ROBO1: variants seen among roughly 807,000 people sequenced by gnomAD.
ROBO1 encodes roundabout homolog 1.
In ROBO1, 149 loss-of-function variants were observed where a neutral mutation model predicts 195.9. The observed-to-expected ratio is 0.76, with a 90% CI of 0.67 to 0.87. The LOEUF is 0.87. Among genes scored for constraint, ROBO1 ranks in the 40% least tolerant of loss-of-function variants. ROBO1 has a pLI of 0.00. For synonymous variants in ROBO1, 816 were observed against 733.2 expected, an observed-to-expected ratio of 1.11 and a Z score of -1.82; for missense variants, 1,933 against 2,068.3, an observed-to-expected ratio of 0.93 and a Z score of 1.27.
chr3:78,609,286 C>T (rs1703647266), intron 28 of ROBO1, among the ~76,000 whole-genome samples: 1 of 152,110 alleles, frequency 6.6e-6, no homozygotes, highest in Non-Finnish European at 1.5e-5. Flanking sequence ...TTTCAAATCC[C>T]TAGTATTGAC....
chr3:79,121,979 A>C (rs2080125178), intron 3 of ROBO1, among the ~76,000 whole-genome samples: 1 of 152,042 alleles, frequency 6.6e-6, no homozygotes, highest in Non-Finnish European at 1.5e-5. Context: ...ATCTATACAT[A>C]AATTATACGT....
chr3:78,864,688 G>GCATGTATGTATATATACATATATACA (rs2035057007), intron 4 of ROBO1, among the ~76,000 whole-genome samples: 5 of 151,354 alleles, frequency 3.3e-5, no homozygotes, highest in Admixed American at 1.3e-4. Flanking sequence ...TAACTGTAAT[G>GCATGTATGTATATATACATATATACA]CATGTATGTA....
intron 4 of ROBO1, among the ~76,000 whole-genome samples, chr3:78,845,692 A>C (rs980119352): frequency 6.6e-6 from 1 of 151,788 alleles, no homozygotes; most frequent in Non-Finnish European, 1.5e-5. Flanking sequence ...CTAGAAGCTA[A>C]GCCTAATGCC....
At chr3:79,026,518 T>A (rs2108290481) in intron 3 of ROBO1, among the ~76,000 whole-genome samples, 1 of 152,230 alleles carries the variant, frequency 6.6e-6, no homozygotes, top group African/African-American at 2.4e-5. Context: ...CAAAGCTTTT[T>A]TATTTTATGT....
chr3:78,905,474 C>G (rs545844525), intron 4 of ROBO1, among the ~76,000 whole-genome samples: 3 of 151,974 alleles, frequency 2.0e-5, no homozygotes, highest in Non-Finnish European at 4.4e-5. Context: ...CCTAAATTAG[C>G]CAGACGTGGT....
chr3:78,818,464 C>T (rs1348894206), intron 4 of ROBO1, among the ~76,000 whole-genome samples: 1 of 152,268 alleles, frequency 6.6e-6, no homozygotes, highest in South Asian at 2.1e-4. Context: ...TTGTGGAAGC[C>T]GGGGTCCTGC....
At chr3:78,639,700 C>T (rs1234412299) in intron 22 of ROBO1, 44 bp downstream of exon 22, 1 of 1,539,870 alleles carries the variant, frequency 6.5e-7, no homozygotes. Flanking sequence ...CTGGCTAGTT[C>T]CTTAAAAAGC....
At chr3:79,079,763 G>GA (rs1324724676) in intron 3 of ROBO1, among the ~76,000 whole-genome samples, 2 of 150,920 alleles carry the variant, frequency 1.3e-5, no homozygotes, top group Non-Finnish European at 3.0e-5. Flanking sequence ...GACAGGGTGA[G>GA]AAAAAAAATA....
intron 3 of ROBO1, among the ~76,000 whole-genome samples, chr3:78,975,481 A>T (rs1431096166): frequency 1.3e-5 from 2 of 152,132 alleles, no homozygotes; most frequent in African/African-American, 4.8e-5. Flanking sequence ...GTTCTTGGAG[A>T]GACTCTCAAT....
chr3:79,442,991 T>C (rs1174499024), intron 2 of ROBO1, among the ~76,000 whole-genome samples: 1 of 152,240 alleles, frequency 6.6e-6, no homozygotes, highest in African/African-American at 2.4e-5. Context: ...ACAAACATTC[T>C]ATTAAGTTCA....
At chr3:79,677,852 T>C (rs1946832039) in intron 1 of ROBO1, among the ~76,000 whole-genome samples, 1 of 152,116 alleles carries the variant, frequency 6.6e-6, no homozygotes, top group Admixed American at 6.6e-5. Flanking sequence ...CAATACCTTG[T>C]TTGCTTCCTG....
chr3:79,739,809 T>C (rs1703547076), intron 1 of ROBO1, among the ~76,000 whole-genome samples: 1 of 152,112 alleles, frequency 6.6e-6, no homozygotes, highest in Non-Finnish European at 1.5e-5. Context: ...CATAAATAAT[T>C]TTCCTAGGAT....
At chr3:78,847,388 G>A (rs1177365615) in intron 4 of ROBO1, among the ~76,000 whole-genome samples, 1 of 152,058 alleles carries the variant, frequency 6.6e-6, no homozygotes, top group African/African-American at 2.4e-5. Context: ...ACTGCAGAAC[G>A]CATGTGCAAA....
chr3:78,987,819 C>T (rs902937390), intron 3 of ROBO1, among the ~76,000 whole-genome samples: 3 of 151,976 alleles, frequency 2.0e-5, no homozygotes, highest in Admixed American at 6.6e-5. Flanking sequence ...CCCCCATTTA[C>T]CCTGATGCGA....
At chr3:78,891,870 G>A (rs2036918206) in intron 4 of ROBO1, among the ~76,000 whole-genome samples, 1 of 152,152 alleles carries the variant, frequency 6.6e-6, no homozygotes, top group Admixed American at 6.5e-5. Flanking sequence ...TTCATATGAA[G>A]CTAAAGAAAA....
intron 3 of ROBO1, among the ~76,000 whole-genome samples, chr3:79,048,912 A>G (rs2078645518): frequency 6.6e-6 from 1 of 152,162 alleles, no homozygotes. Context: ...ATCAAAGACC[A>G]AAGGTAGATA....
At chr3:78,750,397 G>C (rs758419232) in intron 4 of ROBO1, among the ~76,000 whole-genome samples, 1 of 150,934 alleles carries the variant, frequency 6.6e-6, no homozygotes, top group Non-Finnish European at 1.5e-5. Context: ...AGCTTGCAGT[G>C]AGCCAAGATC....
intron 3 of ROBO1, 86 bp downstream of exon 3, chr3:79,125,370 C>G: frequency 1.9e-6 from 2 of 1,066,310 alleles, no homozygotes; most frequent in South Asian, 2.7e-5. Context: ...AGGGATGATT[C>G]GATTAATTTT....
intron 3 of ROBO1, among the ~76,000 whole-genome samples, chr3:79,046,488 T>TTA (rs2078596057): frequency 6.6e-6 from 1 of 152,096 alleles, no homozygotes; most frequent in Non-Finnish European, 1.5e-5. Context: ...TATAGTTTAT[T>TTA]AAGTATTAAC....
Sources: gnomAD v4.1 joint callset for allele counts (sites outside exome capture counted in the v4.1 genomes callset) on GRCh38, gnomAD v4.1.1 for gene constraint, MANE v1.5 for transcripts, NCBI Gene and HGNC (gene_info 2026-07-23, HGNC 2026-07-21) for gene names.